LHPP: variants seen among roughly 807,000 people sequenced by gnomAD.
LHPP encodes phospholysine phosphohistidine inorganic pyrophosphate phosphatase, also known as hLHPP.
Under a neutral mutation model 30.3 loss-of-function variants are expected in LHPP, and 24 were observed. The ratio of observed to expected loss-of-function variants is 0.79; its 90% CI spans 0.57 to 1.11. The LOEUF (loss-of-function observed/expected upper bound fraction) is 1.11, where lower values mean the gene tolerates loss of function less well. Ranked by LOEUF, LHPP falls within the 50% of genes most tolerant of loss-of-function variation. LHPP has a pLI of 0.00. For missense variants in LHPP, 356 were observed against 367.2 expected (o/e 0.97, Z 0.25); for synonymous variants, 150 against 157.1 (o/e 0.95, Z 0.34).
At chr10:124,509,261 G>T (rs1413012650) in intron 5 of LHPP, among the ~76,000 whole-genome samples, 1 of 152,172 alleles carries the variant, frequency 6.6e-6, no homozygotes, top group Non-Finnish European at 1.5e-5. Flanking sequence ...TAACGAAGCA[G>T]TTTTCACAGC....
intron 6 of LHPP, among the ~76,000 whole-genome samples, chr10:124,533,652 G>A (rs1270525079): frequency 6.6e-6 from 1 of 152,244 alleles, no homozygotes; most frequent in Non-Finnish European, 1.5e-5. Context: ...ACCCCCGTGT[G>A]AGTGGACAAA....
At chr10:124,572,882 AAC>A (rs1392421833) in intron 6 of LHPP, among the ~76,000 whole-genome samples, 8 of 152,184 alleles carry the variant, frequency 5.3e-5, no homozygotes, top group Non-Finnish European at 7.3e-5. Flanking sequence ...CGTGTGTAGA[AAC>A]ACATACTCTG....
chr10:124,538,228 T>C (rs61870212), intron 6 of LHPP, among the ~76,000 whole-genome samples: 1 of 122,492 alleles, frequency 8.2e-6, no homozygotes, highest in African/African-American at 3.1e-5. Flanking sequence ...GCTCACCATG[T>C]GGGGCTTCAG....
At chr10:124,482,981 C>T (rs1953190317) in intron 1 of LHPP, among the ~76,000 whole-genome samples, 1 of 152,234 alleles carries the variant, frequency 6.6e-6, no homozygotes, top group African/African-American at 2.4e-5. Context: ...CAGGCCAGTG[C>T]CAGGCACGTA....
intron 6 of LHPP, among the ~76,000 whole-genome samples, chr10:124,550,057 T>C (rs982415072): frequency 6.6e-6 from 1 of 152,238 alleles, no homozygotes; most frequent in African/African-American, 2.4e-5. Context: ...GTGCTGGATC[T>C]CAGAGGCCCA....
intron 6 of LHPP, among the ~76,000 whole-genome samples, chr10:124,574,527 C>A (rs115311814): frequency 0.021 from 3,151 of 152,334 alleles, 35 homozygotes; most frequent in Middle Eastern, 0.041. Flanking sequence ...AGCTTCAGAC[C>A]TGGAGCCTGC....
At chr10:124,497,992 T>C (rs780718963) in intron 4 of LHPP, 44 bp from the exon 5 acceptor site, 7 of 1,499,960 alleles carry the variant, frequency 4.7e-6, no homozygotes. Flanking sequence ...ATACACCTGT[T>C]CCTTGATCCC....
chr10:124,506,723 T>G (rs866956600), intron 5 of LHPP, among the ~76,000 whole-genome samples: 69 of 14,426 alleles, frequency 4.8e-3, no homozygotes, highest in African/African-American at 6.3e-3. Flanking sequence ...TCAAGTGGGG[T>G]GGGTAAGGAG....
At chr10:124,546,556 C>T (rs550406111) in intron 6 of LHPP, among the ~76,000 whole-genome samples, 1 of 152,212 alleles carries the variant, frequency 6.6e-6, no homozygotes, top group South Asian at 2.1e-4. Context: ...GTGCCTGCCA[C>T]CACGCCCGGC....
chr10:124,587,326 C>T (rs1001971015), intron 6 of LHPP, among the ~76,000 whole-genome samples: 17 of 152,040 alleles, frequency 1.1e-4, no homozygotes, highest in Non-Finnish European at 1.8e-4. Flanking sequence ...TAAGCCACCG[C>T]GCCCGGCCTC....
chr10:124,568,529 G>A (rs1160074125), intron 6 of LHPP, among the ~76,000 whole-genome samples: 1 of 152,176 alleles, frequency 6.6e-6, no homozygotes, highest in African/African-American at 2.4e-5. Context: ...ATCCCTCCGC[G>A]GTGGCGTGGA....
chr10:124,466,010 A>G (rs1323358318), intron 1 of LHPP, among the ~76,000 whole-genome samples: 2 of 152,180 alleles, frequency 1.3e-5, no homozygotes, highest in East Asian at 3.8e-4. Flanking sequence ...GATACATTTG[A>G]CATTATCTAC....
intron 1 of LHPP, among the ~76,000 whole-genome samples, chr10:124,482,305 T>TA (rs1397710932): frequency 1.3e-5 from 2 of 152,216 alleles, no homozygotes; most frequent in African/African-American, 4.8e-5. Flanking sequence ...GCTTAGGTTA[T>TA]AAAAAATACA....
chr10:124,608,063 G>A (rs1249533170), intron 6 of LHPP, among the ~76,000 whole-genome samples: 6 of 152,258 alleles, frequency 3.9e-5, no homozygotes, highest in African/African-American at 9.6e-5. Flanking sequence ...GAGCCTCGGC[G>A]TAGGAGTGAG....
intron 5 of LHPP, among the ~76,000 whole-genome samples, chr10:124,502,474 C>T (rs1379797565): frequency 6.6e-6 from 1 of 151,332 alleles, no homozygotes; most frequent in East Asian, 1.9e-4. Context: ...ACGCCATTCT[C>T]CTGCCTCAGC....
At chr10:124,473,518 C>G (rs1299399900) in intron 1 of LHPP, among the ~76,000 whole-genome samples, 1 of 152,182 alleles carries the variant, frequency 6.6e-6, no homozygotes, top group African/African-American at 2.4e-5. Context: ...AATCCCAGCT[C>G]TGCCCCATAG....
chr10:124,463,930 C>T (rs566140518), intron 1 of LHPP, among the ~76,000 whole-genome samples: 124 of 151,776 alleles, frequency 8.2e-4, no homozygotes, highest in South Asian at 1.9e-3. Context: ...GATCCTCCCA[C>T]CTCAGCCTCC....
At chr10:124,595,387 A>G (rs1948930079) in intron 6 of LHPP, among the ~76,000 whole-genome samples, 1 of 152,224 alleles carries the variant, frequency 6.6e-6, no homozygotes, top group South Asian at 2.1e-4. Flanking sequence ...TCCATTGGAG[A>G]TGGCCAGGAG....
intron 6 of LHPP, among the ~76,000 whole-genome samples, chr10:124,599,018 T>C (rs1266815383): frequency 1.4e-5 from 2 of 140,674 alleles, no homozygotes; most frequent in Non-Finnish European, 3.1e-5. Context: ...CATCCATCCA[T>C]CCATCCACCT....
Sources: allele counts gnomAD v4.1 joint callset (sites outside exome capture counted in the v4.1 genomes callset), GRCh38; gene constraint gnomAD v4.1.1; transcripts MANE v1.5; gene names NCBI Gene and HGNC (gene_info 2026-07-23, HGNC 2026-07-21).